UNC13C: variants seen among roughly 807,000 people sequenced by gnomAD.
The protein encoded by UNC13C is unc-13 homolog C.
Under a neutral mutation model 245.4 loss-of-function variants are expected in UNC13C, and 174 were observed. The ratio of observed to expected loss-of-function variants is 0.71; its 90% CI spans 0.63 to 0.80. UNC13C has a LOEUF of 0.80. Among genes scored for constraint, UNC13C ranks in the 30% least tolerant of loss-of-function variants. UNC13C has a pLI of 0.00. For missense variants in UNC13C, 2,829 were observed against 2,602.9 expected, an observed-to-expected ratio of 1.09 and a Z score of -1.89; for synonymous variants, 992 against 895.1, an observed-to-expected ratio of 1.11 and a Z score of -1.93.
intron 2 of UNC13C, among the ~76,000 whole-genome samples, chr15:54,104,455 T>A (rs1342875219): frequency 6.6e-6 from 1 of 152,144 alleles, no homozygotes; most frequent in East Asian, 1.9e-4. Context: ...GGATTTCCTT[T>A]AAGATTTTCA....
chr15:54,386,319 G>A (rs894105201), intron 17 of UNC13C, among the ~76,000 whole-genome samples: 4 of 152,164 alleles, frequency 2.6e-5, no homozygotes, highest in Non-Finnish European at 5.9e-5. Flanking sequence ...TATTTATTCA[G>A]ACATTGCTAT....
chr15:54,289,963 A>T (rs184835965), intron 10 of UNC13C, among the ~76,000 whole-genome samples: 6 of 152,090 alleles, frequency 3.9e-5, no homozygotes, highest in African/African-American at 1.2e-4. Flanking sequence ...GAGCAATACA[A>T]GGAGGGATCT....
At chr15:54,311,258 T>G (rs2037864544) in intron 13 of UNC13C, among the ~76,000 whole-genome samples, 1 of 151,788 alleles carries the variant, frequency 6.6e-6, no homozygotes, top group African/African-American at 2.4e-5. Context: ...TTTAAGAAGT[T>G]AATTTTAATG....
chr15:54,203,415 G>C (rs1008156116), intron 4 of UNC13C, among the ~76,000 whole-genome samples: 2 of 150,256 alleles, frequency 1.3e-5, no homozygotes, highest in African/African-American at 4.9e-5. Flanking sequence ...CAAAAATATA[G>C]AATCAGTCCA....
intron 8 of UNC13C, 70 bp downstream of exon 8, chr15:54,250,514 C>T: frequency 7.2e-7 from 1 of 1,384,570 alleles, no homozygotes. Flanking sequence ...CATGTTAGAT[C>T]ACTTCAACTC....
intron 19 of UNC13C, among the ~76,000 whole-genome samples, chr15:54,491,774 G>A (rs747382080): frequency 1.3e-5 from 2 of 151,926 alleles, no homozygotes; most frequent in Non-Finnish European, 2.9e-5. Context: ...AGGCCGAGGC[G>A]GGGGGATCAC....
intron 19 of UNC13C, among the ~76,000 whole-genome samples, chr15:54,455,019 A>G (rs1270160864): frequency 6.6e-6 from 1 of 151,168 alleles, no homozygotes; most frequent in Non-Finnish European, 1.5e-5. Context: ...TTACATTACC[A>G]TAGCTTACCT....
chr15:53,910,059 C>A, the UNC13C span, among the ~76,000 whole-genome samples: 1 of 143,318 alleles, frequency 7.0e-6, no homozygotes, highest in Non-Finnish European at 1.6e-5. Context: ...GGAAACTGTG[C>A]CTGCGGGCCA....
intron 2 of UNC13C, among the ~76,000 whole-genome samples, chr15:54,044,633 T>C (rs965575219): frequency 2.0e-5 from 3 of 152,204 alleles, no homozygotes; most frequent in African/African-American, 7.2e-5. Context: ...TTTTTTGTTA[T>C]ACTCATCCTG....
intron 7 of UNC13C, among the ~76,000 whole-genome samples, chr15:54,242,392 T>C (rs1015676513): frequency 2.0e-5 from 3 of 152,156 alleles, no homozygotes; most frequent in Non-Finnish European, 4.4e-5. Flanking sequence ...TTTCAGCAAG[T>C]TGTCTTGTTT....
intron 4 of UNC13C, among the ~76,000 whole-genome samples, chr15:54,169,587 A>C (rs1170689228): frequency 6.6e-6 from 1 of 152,142 alleles, no homozygotes; most frequent in East Asian, 1.9e-4. Context: ...CTGCCTCTCC[A>C]GCCTCATTTC....
intron 2 of UNC13C, among the ~76,000 whole-genome samples, chr15:54,019,185 G>A (rs367999311): frequency 6.6e-6 from 1 of 152,158 alleles, no homozygotes; most frequent in Non-Finnish European, 1.5e-5. Flanking sequence ...CTAGCTTAAT[G>A]TCATTCAGCT....
chr15:54,109,305 C>T (rs373200475), intron 2 of UNC13C, among the ~76,000 whole-genome samples: 7 of 72,050 alleles, frequency 9.7e-5, no homozygotes, highest in African/African-American at 1.6e-4. Context: ...CTTCCCCTCC[C>T]CTCCCCTCCC....
chr15:54,456,266 G>C (rs1212781166), intron 19 of UNC13C, among the ~76,000 whole-genome samples: 4 of 152,148 alleles, frequency 2.6e-5, no homozygotes, highest in African/African-American at 9.7e-5. Flanking sequence ...TTGTAGTATA[G>C]TTTGAAGTTG....
At chr15:54,237,402 G>A (rs2035729961) in intron 6 of UNC13C, 1 of 644,310 alleles carries the variant, frequency 1.6e-6, no homozygotes. Flanking sequence ...TCTATAAAAT[G>A]TAGGGGTTGG....
intron 19 of UNC13C, among the ~76,000 whole-genome samples, chr15:54,471,001 A>G (rs1171786573): frequency 6.6e-6 from 1 of 150,990 alleles, no homozygotes; most frequent in East Asian, 1.9e-4. Context: ...CAATTTCCAT[A>G]TATTTGTTAA....
the UNC13C span, among the ~76,000 whole-genome samples, chr15:53,870,064 T>C: frequency 6.6e-6 from 1 of 152,224 alleles, no homozygotes; most frequent in Non-Finnish European, 1.5e-5. Flanking sequence ...TTTTAAAGTT[T>C]TTCCCACCAG....
At chr15:54,630,879 T>G (rs1490196180), downstream of UNC13C, 2 of 152,190 alleles carry the variant, frequency 1.3e-5, no homozygotes, top group East Asian at 3.8e-4. Flanking sequence ...AACTTTGAAA[T>G]CAGGATACAT....
chr15:54,314,036 A>G (rs1256874726), intron 13 of UNC13C, among the ~76,000 whole-genome samples: 1 of 151,684 alleles, frequency 6.6e-6, no homozygotes, highest in East Asian at 1.9e-4. Context: ...AGGCACAGAA[A>G]GACAAATACT....
Sources: allele counts gnomAD v4.1 joint callset (sites outside exome capture counted in the v4.1 genomes callset), GRCh38; gene constraint gnomAD v4.1.1; transcripts MANE v1.5; gene names NCBI Gene and HGNC (gene_info 2026-07-23, HGNC 2026-07-21).